Variants in FAT3 observed in about 807,000 individuals in gnomAD.
The protein encoded by FAT3 is FAT atypical cadherin 3.
A neutral mutation model predicts 310.2 loss-of-function variants in FAT3; 95 were observed. The ratio of observed to expected loss-of-function variants is 0.31; its 90% confidence interval spans 0.26 to 0.36. The LOEUF (loss-of-function observed/expected upper bound fraction) is 0.36. FAT3 is among the 10% of genes least tolerant of loss of function. The pLI, the probability that FAT3 is intolerant of heterozygous loss-of-function variation, is 1.00. For missense variants in FAT3, 5,408 were observed against 5,715.6 expected, an observed-to-expected ratio of 0.95 and a Z score of 1.74; for synonymous variants, 2,314 against 2,192.9, an observed-to-expected ratio of 1.06 and a Z score of -1.54.
intron 2 of FAT3, among the ~76,000 whole-genome samples, chr11:92,502,282 G>A (rs917624336): frequency 6.6e-6 from 1 of 152,028 alleles, no homozygotes; most frequent in Non-Finnish European, 1.5e-5. Flanking sequence ...AGAGGATAGG[G>A]TAGTTTGTTC....
chr11:92,638,017 T>A (rs1941829891), intron 3 of FAT3, among the ~76,000 whole-genome samples: 1 of 152,230 alleles, frequency 6.6e-6, no homozygotes, highest in Non-Finnish European at 1.5e-5. Flanking sequence ...GAGGTCCATG[T>A]ACTTCATGTT....
At chr11:92,814,657 G>A (rs1328054797) in intron 13 of FAT3, among the ~76,000 whole-genome samples, 1 of 152,166 alleles carries the variant, frequency 6.6e-6, no homozygotes, top group Non-Finnish European at 1.5e-5. Context: ...CACACATACC[G>A]TTAATAACAC....
intron 1 of FAT3, among the ~76,000 whole-genome samples, chr11:92,293,512 T>TTATA (rs1195340265): frequency 0.025 from 1,696 of 67,464 alleles, 20 homozygotes; most frequent in Non-Finnish European, 0.03. Flanking sequence ...GAACCTCAGA[T>TTATA]TATATATATA....
chr11:92,255,940 G>A (rs574011879), intron 1 of FAT3, among the ~76,000 whole-genome samples: 1 of 152,218 alleles, frequency 6.6e-6, no homozygotes, highest in South Asian at 2.1e-4. Flanking sequence ...CCAAAGAGTC[G>A]AAATGTGGAG....
chr11:92,727,686 C>T (rs760139137), intron 4 of FAT3, among the ~76,000 whole-genome samples: 5 of 152,128 alleles, frequency 3.3e-5, no homozygotes, highest in Admixed American at 1.3e-4. Context: ...GACTGGCATC[C>T]ATTAATGTCT....
At chr11:92,328,396 A>G (rs1289038444) in intron 1 of FAT3, among the ~76,000 whole-genome samples, 1 of 152,234 alleles carries the variant, frequency 6.6e-6, no homozygotes, top group African/African-American at 2.4e-5. Flanking sequence ...AGAATAACTG[A>G]AATGCTTTTG....
At chr11:92,284,980 G>T (rs1455258513) in intron 1 of FAT3, among the ~76,000 whole-genome samples, 2 of 152,126 alleles carry the variant, frequency 1.3e-5, no homozygotes, top group Non-Finnish European at 2.9e-5. Flanking sequence ...ATAGCTCATG[G>T]GTGATAGAAT....
intron 3 of FAT3, among the ~76,000 whole-genome samples, chr11:92,624,382 A>G (rs941810023): frequency 3.3e-5 from 5 of 152,192 alleles, no homozygotes; most frequent in African/African-American, 1.2e-4. Context: ...GCAGGAAAAA[A>G]ACTTAGAACT....
intron 3 of FAT3, among the ~76,000 whole-genome samples, chr11:92,558,381 A>C (rs1955095491): frequency 7.2e-6 from 1 of 138,654 alleles, no homozygotes; most frequent in South Asian, 2.5e-4. Context: ...TGATAGATTC[A>C]TATGTGCACG....
At chr11:92,284,252 G>T (rs962499842) in intron 1 of FAT3, among the ~76,000 whole-genome samples, 1 of 152,018 alleles carries the variant, frequency 6.6e-6, no homozygotes, top group Non-Finnish European at 1.5e-5. Context: ...CATGTCAAAG[G>T]TAGGAAAGTG....
chr11:92,562,444 G>A (rs1955262138), intron 3 of FAT3, among the ~76,000 whole-genome samples: 1 of 152,100 alleles, frequency 6.6e-6, no homozygotes, highest in South Asian at 2.1e-4. Flanking sequence ...TAACCTTGCT[G>A]AGCCTCAGTC....
chr11:92,715,566 C>G (rs1331235338), intron 4 of FAT3, among the ~76,000 whole-genome samples: 1 of 151,910 alleles, frequency 6.6e-6, no homozygotes, highest in Non-Finnish European at 1.5e-5. Flanking sequence ...TGTGCATGCA[C>G]ACACACATAC....
intron 22 of FAT3, among the ~76,000 whole-genome samples, chr11:92,878,669 C>CAAAAAAA (rs1949599281): frequency 1.7e-4 from 2 of 11,784 alleles, no homozygotes; most frequent in African/African-American, 4.1e-4. Flanking sequence ...AAAAAAAAAG[C>CAAAAAAA]TCCGCACAAA....
At chr11:92,570,709 A>G (rs550586832) in intron 3 of FAT3, among the ~76,000 whole-genome samples, 2 of 152,356 alleles carry the variant, frequency 1.3e-5, no homozygotes, top group African/African-American at 2.4e-5. Flanking sequence ...AGCAAGCTCT[A>G]TACAGCATTT....
At chr11:92,517,336 A>G (rs190387671) in intron 2 of FAT3, among the ~76,000 whole-genome samples, 292 of 152,260 alleles carry the variant, frequency 1.9e-3, no homozygotes, top group Non-Finnish European at 3.7e-3. Flanking sequence ...CACATTTACA[A>G]CCATCTGATC....
chr11:92,538,808 T>G (rs933363891), intron 3 of FAT3, among the ~76,000 whole-genome samples: 1 of 152,156 alleles, frequency 6.6e-6, no homozygotes, highest in Non-Finnish European at 1.5e-5. Context: ...ATATTAAGGT[T>G]CTTATGGGAC....
In FAT3 at chr11:92,415,849, C is replaced by CTTTTTTTTTTTTTTT. The variant is rs1196695394; in HGVS notation, c.3292+60455_3292+60469dup. On this transcript the variant is annotated intron_variant, in intron 2 of 27. Coordinates refer to ENST00000525166, the MANE Select transcript of FAT3 (RefSeq NM_001367949.2). ...CAATCTTTTAGCATAAGCATTTTTG[C>CTTTTTTTTTTTTTTT]TTTTTTTTTTTTTTTTTTTTTTTTA... Among the ~76,000 whole-genome samples the CTTTTTTTTTTTTTTT allele has an allele frequency of 1.2e-3, 88 of 70,404 alleles. 3 individuals carry two copies. Among genetic ancestry groups the CTTTTTTTTTTTTTTT allele is most frequent in the Middle Eastern group, 0.014 (1 of 70 alleles). 46.2% of individuals were successfully genotyped at this position (70,404 alleles called of 152,430 possible).
intron 1 of FAT3, among the ~76,000 whole-genome samples, chr11:92,257,298 GCTTGGGT>G (rs1180981358): frequency 6.6e-6 from 1 of 152,058 alleles, no homozygotes; most frequent in Non-Finnish European, 1.5e-5. Flanking sequence ...TGTAATTTCA[GCTTGGGT>G]CTTGTTATAA....
intron 3 of FAT3, among the ~76,000 whole-genome samples, chr11:92,558,402 A>ATGTGTGTGTGTGTGTG (rs58362077): frequency 0.025 from 3,721 of 150,086 alleles, 72 homozygotes; most frequent in South Asian, 0.042. Context: ...TGTTGTGTTT[A>ATGTGTGTGTGTGTGTG]TGTGTGTGTG....
Sources: allele counts gnomAD v4.1 joint callset (sites outside exome capture counted in the v4.1 genomes callset), GRCh38; gene constraint gnomAD v4.1.1; transcripts MANE v1.5; gene names NCBI Gene and HGNC (gene_info 2026-07-23, HGNC 2026-07-21).